Variants in F8 observed in about 807,000 individuals in gnomAD.
F8 encodes the protein coagulation factor VIII.
A neutral mutation model predicts 140.6 loss-of-function variants in F8; 12 were observed. The ratio of observed to expected loss-of-function variants is 0.09; its 90% CI spans 0.05 to 0.14. The LOEUF is 0.14. F8 is among the 10% of genes least tolerant of loss of function. The pLI is 1.00. For synonymous variants in F8, 585 were observed against 614.6 expected, an observed-to-expected ratio of 0.95 and a Z score of 0.71; for missense variants, 1,354 against 1,720.7, an observed-to-expected ratio of 0.79 and a Z score of 3.77.
intron 22 of F8, chrX:154,886,032 G>T (rs2072891581): frequency 2.1e-6 from 1 of 486,397 alleles, no homozygotes; most frequent in Admixed American, 4.2e-5. Flanking sequence ...TTTCGTTTGG[G>T]TCATGTTCAG....
At position 154,984,717 on chromosome X, in the gene F8, C is replaced by T; in HGVS notation, c.757G>A (p.Val253Ile). Reference sequence around the variant, plus strand: ...AGAGACCTGTTTACATAACCATTGACTGTGTGCATTTTAGGCCAGGCCCGA... The same window carrying T: ...AGAGACCTGTTTACATAACCATTGATTGTGTGCATTTTAGGCCAGGCCCGA... ...SARAWPKMHT[V>I]NGYVNRSLPG... is the part of the protein sequence containing the mutation. The change falls in exon 6 of 26, where the codon GTC becomes ATC. Residue 253 changes from valine (V) to isoleucine (I), a missense_variant. This residue lies in a region of F8 where 128 missense variants were observed against 230.4 expected (regional missense o/e 0.56). Coordinates refer to ENST00000360256, the MANE Select transcript of F8 (RefSeq NM_000132.4). 1 of 1,210,664 alleles carries T rather than the reference C, an allele frequency of 8.3e-7. No individual in the cohort carries two copies. Among genetic ancestry groups the T allele is most frequent in the Non-Finnish European group, 1.1e-6 (1 of 894,534 alleles).
chrX:154,912,261 C>T (rs1411349598), intron 14 of F8, among the ~76,000 whole-genome samples: 5 of 112,100 alleles, frequency 4.5e-5, no homozygotes, highest in African/African-American at 1.6e-4. Context: ...ATTTCCCAGG[C>T]CATAAAATAT....
At chrX:155,010,581 T>C (rs781863310) in intron 1 of F8, among the ~76,000 whole-genome samples, 1 of 111,499 alleles carries the variant, frequency 9.0e-6, no homozygotes, top group Middle Eastern at 4.6e-3. Context: ...TACATGTGAC[T>C]GCCTATACAA....
intron 1 of F8, among the ~76,000 whole-genome samples, chrX:155,003,822 G>A (rs1244178779): frequency 9.1e-6 from 1 of 109,892 alleles, no homozygotes; most frequent in Non-Finnish European, 1.9e-5. Context: ...TTAGCCAGCT[G>A]TGGTGGCGGG....
intron 25 of F8, among the ~76,000 whole-genome samples, chrX:154,848,799 C>T (rs1569559252): frequency 9.0e-6 from 1 of 111,167 alleles, no homozygotes; most frequent in Non-Finnish European, 1.9e-5. Flanking sequence ...CTGTCCTGCA[C>T]CCACTGTCCG....
intron 14 of F8, among the ~76,000 whole-genome samples, chrX:154,908,493 A>T (rs1356393739): frequency 1.8e-5 from 2 of 112,137 alleles, no homozygotes; most frequent in Admixed American, 1.9e-4. Context: ...ACGTCTTGGG[A>T]TTTTCATTCA....
At chrX:154,910,012 T>C (rs1314763419) in intron 14 of F8, among the ~76,000 whole-genome samples, 1 of 112,018 alleles carries the variant, frequency 8.9e-6, no homozygotes. Flanking sequence ...AGACTGTTAC[T>C]GTGTCTATGT....
At position 154,964,873 on chromosome X, in the gene F8, G is replaced by C. The variant is rs1291684988; in HGVS notation, c.1443+1097C>G. ...TATATAAAGATGAAAAATCTTTGAA[G>C]GACAAAAAATATCATAAAGGAGTTA... On this transcript the variant is annotated intron_variant, in intron 9 of 25. Transcript: ENST00000360256. Among the ~76,000 whole-genome samples, 7 of 110,882 alleles carry C rather than the reference G, an allele frequency of 6.3e-5. No homozygotes were observed. In the East Asian group the frequency reaches 2.0e-3, roughly 31 times the overall value.
chrX:154,862,483 T>C (rs2072700799), intron 23 of F8, among the ~76,000 whole-genome samples: 1 of 111,375 alleles, frequency 9.0e-6, no homozygotes. Context: ...TGAGGCTTGG[T>C]GTATGAATGA....
At chrX:154,937,045 T>A (rs1221003925) in intron 13 of F8, among the ~76,000 whole-genome samples, 1 of 111,296 alleles carries the variant, frequency 9.0e-6, no homozygotes, top group Non-Finnish European at 1.9e-5. Flanking sequence ...ATATGACTCA[T>A]CAAAATTTGT....
chrX:154,850,498 G>C (rs1321164124), intron 25 of F8, among the ~76,000 whole-genome samples: 1 of 79,963 alleles, frequency 1.3e-5, no homozygotes, highest in Non-Finnish European at 2.6e-5. Flanking sequence ...TTTTTTTTTA[G>C]AGGCAGGGTC....
chrX:154,987,956 G>A (rs974185168), intron 4 of F8, among the ~76,000 whole-genome samples: 9 of 111,572 alleles, frequency 8.1e-5, no homozygotes, highest in East Asian at 2.8e-4. Context: ...ACATTTTGCC[G>A]TTCTTTCTCT....
intron 4 of F8, among the ~76,000 whole-genome samples, chrX:154,991,528 A>G (rs1448906799): frequency 8.9e-6 from 1 of 112,062 alleles, no homozygotes; most frequent in Non-Finnish European, 1.9e-5. Flanking sequence ...TATCCATTTC[A>G]CCTGGAACTA....
intron 14 of F8, among the ~76,000 whole-genome samples, chrX:154,915,857 T>C (rs181394030): frequency 9.8e-5 from 11 of 112,208 alleles, no homozygotes; most frequent in Non-Finnish European, 1.7e-4. Flanking sequence ...ATAGAATTGA[T>C]GAAAGTGGGC....
chrX:154,906,614 C>T, intron 14 of F8, 41 bp from the exon 15 acceptor site: 1 of 1,175,847 alleles, frequency 8.5e-7, no homozygotes, highest in African/African-American at 1.7e-5. Flanking sequence ...ATTTTATGTA[C>T]CAAGTGGGTA....
chrX:154,915,177 C>T (rs974516125), intron 14 of F8, among the ~76,000 whole-genome samples: 4 of 111,346 alleles, frequency 3.6e-5, no homozygotes, highest in South Asian at 7.6e-4. Flanking sequence ...CTCACTATCA[C>T]GAGAACAGCA....
chrX:154,944,436 CCATCAGAGAAATGCAAAT>C (rs1557280125), intron 13 of F8, among the ~76,000 whole-genome samples: 1 of 111,419 alleles, frequency 9.0e-6, no homozygotes, highest in East Asian at 2.8e-4. Context: ...CCATCACTGG[CCATCAGAGAAATGCAAAT>C]CAAAACCACA....
rs781962794 is a variant in F8 at position 154,902,040 on chromosome X, T to C, written c.6115+11A>G. 4 of 1,140,274 alleles carry C rather than the reference T, an allele frequency of 3.5e-6. No individual in the cohort carries two copies. Among genetic ancestry groups the C allele is most frequent in the South Asian group, 1.8e-5 (1 of 55,503 alleles). The allele number at this position is 1,140,274 out of a possible 1,213,427, so 94.0% of individuals were successfully genotyped here. On this transcript the variant is annotated intron_variant, in intron 19 of 25. Coordinates refer to ENST00000360256, the MANE Select transcript of F8 (RefSeq NM_000132.4). ...AGTAGGTAGGGAACCTCTGCCCACATTGCTACTCACTATTGCTGTACACCA... is the reference window on the plus strand; with the variant it reads ...AGTAGGTAGGGAACCTCTGCCCACACTGCTACTCACTATTGCTGTACACCA...
At chrX:155,003,623 A>G (rs782190806) in intron 1 of F8, among the ~76,000 whole-genome samples, 16 of 111,567 alleles carry the variant, frequency 1.4e-4, no homozygotes, top group Non-Finnish European at 2.8e-4. Context: ...GTCAGACACC[A>G]GACACCATAC....
Sources: gnomAD v4.1 joint callset for allele counts (sites outside exome capture counted in the v4.1 genomes callset) on GRCh38, gnomAD v4.1.1 for gene constraint, gnomAD v4.1.1 regional missense constraint, MANE v1.5 for transcripts, NCBI Gene and HGNC (gene_info 2026-07-23, HGNC 2026-07-21) for gene names.